The following NAA25 variants were observed in gnomAD, a reference collection of about 807,000 sequenced individuals.
The protein encoded by NAA25 is N-terminal acetyltransferase B complex subunit NAA25.
In NAA25, 30 loss-of-function variants were observed where a neutral mutation model predicts 132.5. That is an observed-to-expected ratio of 0.23 (90% CI 0.17 to 0.31). The LOEUF (loss-of-function observed/expected upper bound fraction) is 0.31. Among genes scored for constraint, NAA25 ranks in the 10% least tolerant of loss-of-function variants. The pLI, the probability that NAA25 is intolerant of heterozygous loss-of-function variation, is 1.00. For missense variants in NAA25, 771 were observed against 1,150.4 expected, an observed-to-expected ratio of 0.67 and a Z score of 4.77; for synonymous variants, 359 against 401.9, an observed-to-expected ratio of 0.89 and a Z score of 1.28.
chr12:112,027,089 C>T lies in NAA25; in HGVS notation c.*2442G>A, dbSNP rs7295294. 21,450 of 152,376 alleles carry T rather than the reference C, an allele frequency of 0.14. 1,876 individuals are homozygous for T. Among genetic ancestry groups the T allele is most frequent in the African/African-American group, 0.25 (10,174 of 41,434 alleles). The allele number at this position is 152,376 out of a possible 1,614,324, so 9.4% of individuals were successfully genotyped here. A position where few individuals can be genotyped will look rare whatever the true frequency, so the allele number is the denominator to read the frequency against. On this transcript the variant is annotated 3_prime_UTR_variant, in exon 24 of 24. Coordinates refer to ENST00000261745, the MANE Select transcript of NAA25 (RefSeq NM_024953.4). ...GCTTTGGAGAGTCTTAACTTAGGAT[C>T]TCAGTAGTATAAAAAGCAATAATTT... is the stretch of plus-strand genomic sequence containing the variant.
At chr12:112,039,178 T>C in intron 22 of NAA25, 51 bp downstream of exon 22, 1 of 1,132,404 alleles carries the variant, frequency 8.8e-7, no homozygotes, top group South Asian at 1.6e-5. Flanking sequence ...AAAGAAAAAG[T>C]AGCATGTGGT....
intron 11 of NAA25, chr12:112,065,616 T>C (rs925220860): frequency 7.2e-5 from 11 of 151,984 alleles, no homozygotes; most frequent in African/African-American, 2.4e-4. Context: ...TGAGCCAAGA[T>C]TGTGCCATTG....
intron 14 of NAA25, 71 bp from the exon 15 acceptor site, chr12:112,053,728 T>C (rs2078502018): frequency 9.0e-7 from 1 of 1,105,186 alleles, no homozygotes; most frequent in Non-Finnish European, 1.3e-6. Flanking sequence ...TAACAAATAT[T>C]ACGCTTCAAA....
intron 23 of NAA25, among the ~76,000 whole-genome samples, chr12:112,029,875 G>A (rs747277651): frequency 2.0e-5 from 3 of 152,152 alleles, no homozygotes; most frequent in Non-Finnish European, 2.9e-5. Flanking sequence ...TATTGCTTTA[G>A]CATCATTACT....
At chr12:112,104,718 C>T (rs1007836151) in intron 1 of NAA25, among the ~76,000 whole-genome samples, 2 of 152,062 alleles carry the variant, frequency 1.3e-5, no homozygotes, top group Non-Finnish European at 2.9e-5. Flanking sequence ...CGCCTGTATT[C>T]CCAGCTGCTC....
rs1473406403 is a variant in NAA25 at position 112,081,124 on chromosome 12, G to A, written c.413C>T (p.Ala138Val). 6.8e-6 allele frequency: 11 copies of A among 1,611,924 alleles called. No individual in the cohort carries two copies. The highest frequency in any genetic ancestry group is 9.3e-6 in the Non-Finnish European group (11 of 1,178,290). ...EYKKMQQAGM[A>V]LYKIVPKNPY... Reference sequence around the variant, plus strand: ...ATTTTTGGGGACAATCTTATATAGAGCCATGCCAGCCTAAAAGAGAACCAT... The same window carrying A: ...ATTTTTGGGGACAATCTTATATAGAACCATGCCAGCCTAAAAGAGAACCAT... Residue 138 changes from alanine (A) to valine (V), a missense_variant, in exon 5 of 24, where the codon GCT becomes GTT. By Grantham distance (64) the Ala-to-Val change is moderately conservative. This residue lies in a region of NAA25 where 417 missense variants were observed against 733.8 expected (regional missense o/e 0.57). Transcript: ENST00000261745.
At chr12:112,072,212 T>G in intron 9 of NAA25, 148 bp from the exon 10 acceptor site, 1 of 614,898 alleles carries the variant, frequency 1.6e-6, no homozygotes, top group South Asian at 2.4e-5. Flanking sequence ...TATGAACATA[T>G]TCTAACAGAT....
chr12:112,028,557 T>C lies in NAA25; in HGVS notation c.*974A>G, dbSNP rs1030028431. On this transcript the variant is annotated 3_prime_UTR_variant, in exon 24 of 24. Transcript: ENST00000261745. Reference sequence around the variant, plus strand: ...CTAAGGCTAAATCCATAATATTACATTCCTTCCTTCCCAAACCCCCCACAC... The same window carrying C: ...CTAAGGCTAAATCCATAATATTACACTCCTTCCTTCCCAAACCCCCCACAC... The C allele has an allele frequency of 3.3e-5, 5 of 152,048 alleles. No homozygotes were observed. Among genetic ancestry groups the C allele is most frequent in the Admixed American group, 1.3e-4 (2 of 15,264 alleles). 9.4% of individuals were successfully genotyped at this position (152,048 alleles called of 1,614,324 possible). A position where few individuals can be genotyped will look rare whatever the true frequency, so the allele number is the denominator to read the frequency against.
At chr12:112,050,245 C>T (rs1454037665) in intron 15 of NAA25, among the ~76,000 whole-genome samples, 1 of 152,080 alleles carries the variant, frequency 6.6e-6, no homozygotes, top group Non-Finnish European at 1.5e-5. Context: ...AGGACCAAGG[C>T]TGTGGAAGTA....
chr12:112,062,427 G>GA (rs1593782963), intron 11 of NAA25, among the ~76,000 whole-genome samples: 1 of 148,484 alleles, frequency 6.7e-6, no homozygotes, highest in East Asian at 2.0e-4. Flanking sequence ...AGTTATAAAA[G>GA]AAAAAATAGG....
At chr12:112,102,722 T>A (rs2079311754) in intron 1 of NAA25, among the ~76,000 whole-genome samples, 1 of 108,240 alleles carries the variant, frequency 9.2e-6, no homozygotes, top group South Asian at 3.4e-4. Flanking sequence ...AGTCTCGCAC[T>A]GGAGCCCAGG....
chr12:112,076,991 G>A (rs1365412426), intron 7 of NAA25, among the ~76,000 whole-genome samples: 5 of 151,598 alleles, frequency 3.3e-5, no homozygotes, highest in African/African-American at 1.2e-4. Flanking sequence ...GCAAGGCCCT[G>A]TCTCAAAAAC....
intron 17 of NAA25, among the ~76,000 whole-genome samples, chr12:112,044,617 C>A (rs1444664124): frequency 6.6e-6 from 1 of 151,740 alleles, no homozygotes; most frequent in Non-Finnish European, 1.5e-5. Flanking sequence ...TTGCAGTGAG[C>A]CAAGATTGCA....
rs11066165 is a variant in NAA25, at chr12:112,104,847, C to A, written c.58+3869G>T. Among the ~76,000 whole-genome samples, 8,320 of 139,548 alleles carry A rather than the reference C, an allele frequency of 0.06. 1,270 individuals carry two copies. In the East Asian group the frequency reaches 0.63, roughly 11 times the overall value. The allele number at this position is 139,548 out of a possible 152,430, so 91.5% of individuals were successfully genotyped here. A position where few individuals can be genotyped will look rare whatever the true frequency, so the allele number is the denominator to read the frequency against. On this transcript the variant is annotated intron_variant, in intron 1 of 23. Coordinates refer to ENST00000261745, the MANE Select transcript of NAA25 (RefSeq NM_024953.4). Reference sequence around the variant, plus strand: ...TGAGACTCCATCTCAAAAAAAAAAACAAAACAAAAACAAAAACAAAAATTA... The same window carrying A: ...TGAGACTCCATCTCAAAAAAAAAAAAAAAACAAAAACAAAAACAAAAATTA...
intron 1 of NAA25, among the ~76,000 whole-genome samples, chr12:112,103,507 A>C (rs1014260437): frequency 1.3e-5 from 2 of 152,182 alleles, no homozygotes; most frequent in Non-Finnish European, 2.9e-5. Flanking sequence ...TTAAATGGTC[A>C]TATTTTCAGA....
intron 11 of NAA25, among the ~76,000 whole-genome samples, chr12:112,062,148 G>A (rs973364967): frequency 8.5e-5 from 13 of 152,112 alleles, no homozygotes; most frequent in Non-Finnish European, 1.8e-4. Flanking sequence ...TGTAATCCTA[G>A]CACTTTGGAA....
At chr12:112,053,821 TA>T (rs4041251) in intron 14 of NAA25, among the ~76,000 whole-genome samples, 164 bp from the exon 15 acceptor site, 7,538 of 114,322 alleles carry the variant, frequency 0.066, 886 homozygotes, top group East Asian at 0.58. Flanking sequence ...AGTTAAAATT[TA>T]AAAAAAAAAA....
At chr12:112,030,156 T>G (rs1382137448) in intron 23 of NAA25, among the ~76,000 whole-genome samples, 1 of 130,562 alleles carries the variant, frequency 7.7e-6, no homozygotes, top group Non-Finnish European at 1.5e-5. Context: ...GAGGTAGTAG[T>G]GAGCTGAGAT....
At chr12:112,103,117 G>T (rs908140438) in intron 1 of NAA25, among the ~76,000 whole-genome samples, 4 of 152,190 alleles carry the variant, frequency 2.6e-5, no homozygotes, top group African/African-American at 9.7e-5. Context: ...CTCCTGAGTA[G>T]CTGGGGTTAC....
Sources: allele counts gnomAD v4.1 joint callset (sites outside exome capture counted in the v4.1 genomes callset), GRCh38; gene constraint gnomAD v4.1.1; regional missense constraint gnomAD v4.1.1; transcripts MANE v1.5; gene names NCBI Gene and HGNC (gene_info 2026-07-23, HGNC 2026-07-21).